Variants in NUBP1 observed in about 807,000 individuals in gnomAD.
NUBP1 encodes NUBP iron-sulfur cluster assembly factor 1, cytosolic.
Under a neutral mutation model 41.8 loss-of-function variants are expected in NUBP1, and 46 were observed. That is an observed-to-expected ratio of 1.10 (90% confidence interval 0.87 to 1.41). NUBP1 has a LOEUF of 1.41. NUBP1 is among the 40% of genes most tolerant of loss of function. The pLI, the probability that NUBP1 is intolerant of heterozygous loss-of-function variation, is 0.00. For missense variants in NUBP1, 494 were observed against 414.0 expected, an observed-to-expected ratio of 1.19 and a Z score of -1.68; for synonymous variants, 189 against 154.6, an observed-to-expected ratio of 1.22 and a Z score of -1.65.
At chr16:10,744,113 GA>G in intron 2 of NUBP1, 48 bp downstream of exon 2, 3 of 1,135,326 alleles carry the variant, frequency 2.6e-6, no homozygotes, top group Admixed American at 3.0e-5. Flanking sequence ...CGCAGGCCCG[GA>G]AAAGGCGGGG....
rs373103514 is a variant in NUBP1 at position 10,754,503 on chromosome 16, G to A, written c.328-1218G>A. 2.6e-4 allele frequency among the ~76,000 whole-genome samples: 40 copies of A among 151,830 alleles called. 1 individual carries two copies. In the East Asian group the frequency reaches 4.5e-3, roughly 17 times the overall value. ...GGTGATCCTCCCGCCTCAGCCTCCC[G>A]CAGTGTTTGGATTACAGGTGTGAGC... is the stretch of plus-strand genomic sequence containing the variant. On this transcript the variant is annotated intron_variant, in intron 4 of 10. Transcript: ENST00000283027.
intron 2 of NUBP1, among the ~76,000 whole-genome samples, chr16:10,746,602 A>C (rs187674075): frequency 8.7e-4 from 132 of 152,258 alleles, no homozygotes; most frequent in African/African-American, 2.8e-3. Flanking sequence ...TTAGCCAGGC[A>C]TGGTGGCAGG....
chr16:10,761,912 C>A, intron 9 of NUBP1, 53 bp downstream of exon 9: 1 of 1,425,800 alleles, frequency 7.0e-7, no homozygotes, highest in Non-Finnish European at 9.8e-7. Context: ...GCCCCACAGG[C>A]ACGGGTCGGG....
intron 9 of NUBP1, among the ~76,000 whole-genome samples, chr16:10,764,200 G>T (rs2030487318): frequency 6.6e-6 from 1 of 152,254 alleles, no homozygotes; most frequent in African/African-American, 2.4e-5. Flanking sequence ...GCCCGAAGGA[G>T]CGTCTCAGCC....
At chr16:10,762,621 G>T (rs1036590905) in intron 9 of NUBP1, among the ~76,000 whole-genome samples, 2 of 152,224 alleles carry the variant, frequency 1.3e-5, no homozygotes, top group Non-Finnish European at 2.9e-5. Flanking sequence ...TCGCCTTTAG[G>T]TCTGAGGGGA....
At chr16:10,764,715 G>A (rs1267881470) in intron 9 of NUBP1, among the ~76,000 whole-genome samples, 1 of 151,688 alleles carries the variant, frequency 6.6e-6, no homozygotes, top group African/African-American at 2.4e-5. Context: ...CAGTCTGCTG[G>A]AGTATGTCAG....
At chr16:10,753,311 G>T (rs142140655) in intron 4 of NUBP1, among the ~76,000 whole-genome samples, 1 of 152,156 alleles carries the variant, frequency 6.6e-6, no homozygotes, top group Non-Finnish European at 1.5e-5. Context: ...CTCTGACTGG[G>T]AACATTAGAC....
At chr16:10,752,537 C>A (rs1900366326) in intron 3 of NUBP1, 73 bp from the exon 4 acceptor site, 2 of 1,223,540 alleles carry the variant, frequency 1.6e-6, no homozygotes, top group Non-Finnish European at 2.4e-6. Flanking sequence ...TAACCCCGCT[C>A]CCCTCCTAGT....
At chr16:10,761,953 A>G (rs1253138057) in intron 9 of NUBP1, 94 bp downstream of exon 9, 14 of 963,480 alleles carry the variant, frequency 1.5e-5, no homozygotes, top group Non-Finnish European at 2.2e-5. Context: ...GAGAGGGGCA[A>G]TGGAAGGAGG....
In NUBP1 at chr16:10,761,806, G is replaced by A. The variant is rs1390412716; in HGVS notation, c.767G>A (p.Cys256Tyr). ...PPTTGGAELMCQDLEVPLLGR... is the reference protein window; with the variant it reads ...PPTTGGAELMYQDLEVPLLGR... ...ACAACCGGGGGCGCGGAGCTCATGT[G>A]CCAGGACTTGGAGGTCCCTCTCCTC... Residue 256 changes from cysteine (C) to tyrosine (Y), a missense_variant, in exon 9 of 11, where the codon TGC becomes TAC. Cys to Tyr is a radical substitution (Grantham distance 194). Coordinates refer to ENST00000283027, the MANE Select transcript of NUBP1 (RefSeq NM_002484.4). The A allele has an allele frequency of 6.2e-7, 1 of 1,614,002 alleles. No homozygotes were observed. The highest frequency in any genetic ancestry group is 1.7e-5 in the Admixed American group (1 of 59,996).
At chr16:10,756,608 C>A in intron 5 of NUBP1, 82 bp from the exon 6 acceptor site, 2 of 1,016,968 alleles carry the variant, frequency 2.0e-6, no homozygotes, top group Non-Finnish European at 1.4e-6. Context: ...TCAGTCAGAG[C>A]TCAAACAGAA....
intron 3 of NUBP1, 70 bp downstream of exon 3, chr16:10,747,346 T>G: frequency 6.3e-7 from 1 of 1,579,780 alleles, no homozygotes; most frequent in East Asian, 2.3e-5. Flanking sequence ...AAATAACTGA[T>G]TCCTAGGCCA....
rs533208449 is a variant in NUBP1 at position 10,765,327 on chromosome 16, TAA to T, written c.821-2601_821-2600del. The stretch of plus-strand genomic sequence containing the variant: ...TAACACAGGAAGATACCTCATCTCT[TAA>T]AAAAAAAAAAAAAAAAAAAAGGAAA... On this transcript the variant is annotated intron_variant, in intron 9 of 10. Coordinates refer to ENST00000283027, the MANE Select transcript of NUBP1 (RefSeq NM_002484.4). The surrounding 1 kb of genome is among the most constrained non-coding windows in gnomAD (Gnocchi z 4.0). 0.064 allele frequency among the ~76,000 whole-genome samples: 7,118 copies of T among 111,156 alleles called. 651 individuals are homozygous for T. The highest frequency in any genetic ancestry group is 0.23 in the African/African-American group (6,657 of 29,312). 72.9% of individuals were successfully genotyped at this position (111,156 alleles called of 152,430 possible).
chr16:10,748,189 C>T (rs1451809174), intron 3 of NUBP1, among the ~76,000 whole-genome samples: 2 of 152,066 alleles, frequency 1.3e-5, no homozygotes, highest in Non-Finnish European at 2.9e-5. Context: ...GAACTCAAGG[C>T]GTCCCCCTGC....
In NUBP1 at chr16:10,751,375, C is replaced by T. The variant is rs536646642; in HGVS notation, c.259-1235C>T. On this transcript the variant is annotated intron_variant, in intron 3 of 10. Coordinates refer to ENST00000283027, the MANE Select transcript of NUBP1 (RefSeq NM_002484.4). ...AGCAAGTCAGGTTTTCCGATGATGT[C>T]GCTCTGCTGTTCTCCCCGGATGGCT... Among the ~76,000 whole-genome samples the T allele has an allele frequency of 4.9e-4, 75 of 152,274 alleles. 1 individual carries two copies. Among genetic ancestry groups the T allele is most frequent in the South Asian group, 2.9e-3 (14 of 4,822 alleles).
At chr16:10,762,497 G>C (rs756350565) in intron 9 of NUBP1, among the ~76,000 whole-genome samples, 1 of 152,352 alleles carries the variant, frequency 6.6e-6, no homozygotes, top group Non-Finnish European at 1.5e-5. Context: ...GCGCTGGGCA[G>C]GGCCTACACT....
chr16:10,760,478 G>A (rs994012541), intron 7 of NUBP1, among the ~76,000 whole-genome samples: 8 of 152,230 alleles, frequency 5.3e-5, no homozygotes, highest in African/African-American at 1.2e-4. Context: ...AGGCACAGTG[G>A]CTCACGCCTC....
Position 10,766,886 on chromosome 16 carries a change from G to A in NUBP1, c.821-1063G>A, listed in dbSNP as rs2142831490. The A allele has an allele frequency of 1.0e-5, 4 of 398,580 alleles. No individual in the cohort carries two copies. The East Asian group carries it at 1.4e-4, about 14-fold the overall frequency. The allele number at this position is 398,580 out of a possible 1,614,324, so 24.7% of individuals were successfully genotyped here. Reference sequence around the variant, plus strand: ...ACGTCCTATGGAGAGGACATTTCCTGTTATGGCTCAAGTGCGAATTGGCCT... The same window carrying A: ...ACGTCCTATGGAGAGGACATTTCCTATTATGGCTCAAGTGCGAATTGGCCT... On this transcript the variant is annotated intron_variant, in intron 9 of 10. Coordinates refer to ENST00000283027, the MANE Select transcript of NUBP1 (RefSeq NM_002484.4). The surrounding 1 kb of genome is among the most constrained non-coding windows in gnomAD (Gnocchi z 4.8).
intron 3 of NUBP1, among the ~76,000 whole-genome samples, chr16:10,747,664 T>C (rs1232574591): frequency 6.6e-6 from 1 of 152,140 alleles, no homozygotes; most frequent in Non-Finnish European, 1.5e-5. Flanking sequence ...TTATACTAAG[T>C]TGAATTGGCC....
Sources: gnomAD v4.1 joint callset for allele counts (sites outside exome capture counted in the v4.1 genomes callset) on GRCh38, gnomAD v4.1.1 for gene constraint, Gnocchi (gnomAD v3.1) non-coding constraint, MANE v1.5 for transcripts, NCBI Gene and HGNC (gene_info 2026-07-23, HGNC 2026-07-21) for gene names.